C12orf42: variants seen among roughly 807,000 people sequenced by gnomAD.
C12orf42 encodes the protein chromosome 12 open reading frame 42.
C12orf42 carries 25 observed loss-of-function variants against 21.6 expected under a neutral mutation model. The ratio of observed to expected loss-of-function variants is 1.16; its 90% CI spans 0.84 to 1.62. The LOEUF (loss-of-function observed/expected upper bound fraction) is 1.62, where lower values mean the gene tolerates loss of function less well. Among genes scored for constraint, C12orf42 ranks in the 40% most tolerant of loss-of-function variants. The pLI is 0.00. For synonymous variants in C12orf42, 174 were observed against 175.0 expected (o/e 0.99, Z 0.05); for missense variants, 483 against 459.3 (o/e 1.05, Z -0.47).
chr12:103,418,176 A>G (rs2049533244), intron 2 of C12orf42, among the ~76,000 whole-genome samples: 1 of 152,188 alleles, frequency 6.6e-6, no homozygotes, highest in African/African-American at 2.4e-5. Flanking sequence ...CTGACTGGAG[A>G]AATATTTGTT....
the C12orf42 span, among the ~76,000 whole-genome samples, chr12:103,211,606 G>T: frequency 5.9e-5 from 9 of 152,202 alleles, no homozygotes; most frequent in African/African-American, 2.2e-4. Context: ...AACCATGAGA[G>T]TGAGCAGGAA....
At chr12:103,069,147 G>A in the C12orf42 span, among the ~76,000 whole-genome samples, 1 of 150,362 alleles carries the variant, frequency 6.7e-6, no homozygotes, top group Non-Finnish European at 1.5e-5. Context: ...TTTTCAATCT[G>A]CTCTTAACCC....
the C12orf42 span, among the ~76,000 whole-genome samples, chr12:103,070,515 T>TACACACACAC: frequency 7.9e-3 from 948 of 120,134 alleles, 12 homozygotes; most frequent in African/African-American, 0.024. Flanking sequence ...TACATACACA[T>TACACACACAC]ACACACACAC....
the C12orf42 span, among the ~76,000 whole-genome samples, chr12:103,519,255 T>A: frequency 6.6e-6 from 1 of 152,244 alleles, no homozygotes; most frequent in African/African-American, 2.4e-5. Context: ...CCTTTATAAA[T>A]CACCCAATCT....
At chr12:103,189,041 G>A in the C12orf42 span, among the ~76,000 whole-genome samples, 2 of 148,536 alleles carry the variant, frequency 1.3e-5, no homozygotes, top group Non-Finnish European at 3.0e-5. Flanking sequence ...TGTTTAATTG[G>A]TTAAGATAGG....
the C12orf42 span, among the ~76,000 whole-genome samples, chr12:103,089,338 T>C: frequency 6.6e-6 from 1 of 152,154 alleles, no homozygotes; most frequent in Non-Finnish European, 1.5e-5. Context: ...ATTCAGCTGC[T>C]AAATTTTGAG....
At chr12:103,373,958 T>C (rs1445886351) in intron 3 of C12orf42, among the ~76,000 whole-genome samples, 1 of 152,188 alleles carries the variant, frequency 6.6e-6, no homozygotes, top group Non-Finnish European at 1.5e-5. Flanking sequence ...TCATGCCCTG[T>C]GTGATTTTAA....
At chr12:103,432,594 T>G (rs993252144) in intron 2 of C12orf42, among the ~76,000 whole-genome samples, 1 of 152,224 alleles carries the variant, frequency 6.6e-6, no homozygotes. Flanking sequence ...TTACTGTATG[T>G]TATGGGCTGA....
At chr12:103,353,426 T>A (rs2043266190) in intron 4 of C12orf42, among the ~76,000 whole-genome samples, 1 of 152,078 alleles carries the variant, frequency 6.6e-6, no homozygotes, top group South Asian at 2.1e-4. Context: ...AACTTGCATG[T>A]TTTGATCCAC....
Position 103,302,335 on chromosome 12 carries a change from G to A in C12orf42, c.856C>T (p.Pro286Ser), listed in dbSNP as rs766372144. ...GAVAMAPEML[P>S]KHPHTPRDRR... ...TCCCGCGGGGTATGAGGATGCTTGG[G>A]GAGCATCTCCGGCGCCATGGCAACC... The change falls in exon 6 of 6, where the codon CCC (proline) becomes TCC (serine). Residue 286 changes from proline (P) to serine (S), a missense_variant. Pro to Ser is a moderately conservative substitution (Grantham distance 74, BLOSUM62 -1). Coordinates refer to ENST00000548883, the MANE Select transcript of C12orf42 (RefSeq NM_198521.5). 6.2e-7 allele frequency: 1 copy of A among 1,613,870 alleles called. No homozygotes were observed. The highest frequency in any genetic ancestry group is 1.1e-5 in the South Asian group (1 of 91,088).
At chr12:103,159,122 G>T in the C12orf42 span, among the ~76,000 whole-genome samples, 1 of 152,250 alleles carries the variant, frequency 6.6e-6, no homozygotes, top group South Asian at 2.1e-4. Context: ...GGATTTATTT[G>T]TCTCCTTGCC....
At chr12:103,219,760 A>T in the C12orf42 span, among the ~76,000 whole-genome samples, 1 of 152,182 alleles carries the variant, frequency 6.6e-6, no homozygotes, top group African/African-American at 2.4e-5. Context: ...GTCAGGAAAA[A>T]ACAGATGCTG....
intron 3 of C12orf42, among the ~76,000 whole-genome samples, chr12:103,378,079 G>A (rs1019372995): frequency 2.0e-5 from 3 of 151,844 alleles, no homozygotes; most frequent in Non-Finnish European, 2.9e-5. Context: ...AAGCCAGGGG[G>A]AACTAGCCTG....
chr12:103,302,660 T>C, intron 5 of C12orf42, 101 bp from the exon 6 acceptor site: 1 of 957,792 alleles, frequency 1.0e-6, no homozygotes, highest in South Asian at 1.7e-5. Flanking sequence ...TCAACATTTG[T>C]AATGTGCTCA....
At chr12:103,093,753 A>G in the C12orf42 span, among the ~76,000 whole-genome samples, 2 of 152,194 alleles carry the variant, frequency 1.3e-5, no homozygotes, top group African/African-American at 4.8e-5. Context: ...CAAGCAATAT[A>G]CATGGCCATG....
chr12:103,531,656 C>A, the C12orf42 span, among the ~76,000 whole-genome samples: 438 of 152,330 alleles, frequency 2.9e-3, 4 homozygotes, highest in African/African-American at 8.8e-3. Flanking sequence ...TAAAACTTCA[C>A]ATTCATCAAA....
At chr12:103,246,832 G>T (rs547413332) in intron 10 of C12orf42, among the ~76,000 whole-genome samples, 2 of 152,144 alleles carry the variant, frequency 1.3e-5, no homozygotes, top group Admixed American at 1.3e-4. Context: ...CCTACTCAGT[G>T]TGAGCCCAGA....
At chr12:103,193,207 C>T in the C12orf42 span, among the ~76,000 whole-genome samples, 2 of 150,982 alleles carry the variant, frequency 1.3e-5, no homozygotes, top group Non-Finnish European at 3.0e-5. Context: ...ATAAAAACAA[C>T]ATACCAAAAC....
chr12:103,128,280 G>T, the C12orf42 span, among the ~76,000 whole-genome samples: 2 of 152,106 alleles, frequency 1.3e-5, no homozygotes, highest in Non-Finnish European at 2.9e-5. Context: ...GAAGGGGGAA[G>T]AAAGAAGAAA....
Sources: allele counts gnomAD v4.1 joint callset (sites outside exome capture counted in the v4.1 genomes callset), GRCh38; gene constraint gnomAD v4.1.1; transcripts MANE v1.5; gene names NCBI Gene and HGNC (gene_info 2026-07-23, HGNC 2026-07-21).